VPS13C: variants seen among roughly 807,000 people sequenced by gnomAD.
VPS13C encodes the protein intermembrane lipid transfer protein VPS13C.
Under a neutral mutation model 456.8 loss-of-function variants are expected in VPS13C, and 358 were observed. That is an observed-to-expected ratio of 0.78 (90% CI 0.72 to 0.86). The LOEUF (loss-of-function observed/expected upper bound fraction) is 0.86, where lower values mean the gene tolerates loss of function less well. Among genes scored for constraint, VPS13C ranks in the 40% least tolerant of loss-of-function variants. The pLI is 0.00. For synonymous variants in VPS13C, 1,578 were observed against 1,486.7 expected, an observed-to-expected ratio of 1.06 and a Z score of -1.41; for missense variants, 4,818 against 4,385.4, an observed-to-expected ratio of 1.10 and a Z score of -2.79.
chr15:61,993,675 T>C (rs1006885023), intron 16 of VPS13C, among the ~76,000 whole-genome samples: 3 of 152,082 alleles, frequency 2.0e-5, no homozygotes, highest in Non-Finnish European at 4.4e-5. Context: ...AAAATACTAA[T>C]TTCAAACATA....
At position 61,874,312 on chromosome 15, in the gene VPS13C, A is replaced by G. The variant is rs570198258; in HGVS notation, c.10414+564T>C. 6.6e-5 allele frequency among the ~76,000 whole-genome samples: 10 copies of G among 152,154 alleles called. No individual in the cohort carries two copies. In the South Asian group the frequency reaches 2.1e-3, roughly 32 times the overall value. On this transcript the variant is annotated intron_variant, in intron 77 of 84. Coordinates refer to ENST00000644861, the MANE Select transcript of VPS13C (RefSeq NM_020821.3). ...AACAACAACTTATTGTATGTCTTCA[A>G]ATAGCTAGAAGAGAGGGTCTTGAAT...
chr15:61,919,305 A>T lies in VPS13C; in HGVS notation c.7622T>A (p.Leu2541His). 1 of 1,598,458 alleles carries T rather than the reference A, an allele frequency of 6.3e-7. No individual in the cohort carries two copies. Among genetic ancestry groups the T allele is most frequent in the Non-Finnish European group, 8.5e-7 (1 of 1,173,510 alleles). The change falls in exon 58 of 85, where the codon CTT (leucine) becomes CAT (histidine). Residue 2541 changes from leucine (L) to histidine (H), a missense_variant. Physicochemically the swap from Leu to His is moderately conservative, Grantham distance 99. Transcript: ENST00000644861. ...DATEGNKVIT[L>H]RSPLQIKNHF... is the part of the protein sequence containing the mutation. ...AAGTATTACCTGTAGAGGAGAGCGA[A>T]GGGTAATTACTTTATTCCCTTCAGT...
At chr15:62,036,367 A>G (rs1275850491) in intron 3 of VPS13C, among the ~76,000 whole-genome samples, 1 of 152,172 alleles carries the variant, frequency 6.6e-6, no homozygotes, top group South Asian at 2.1e-4. Flanking sequence ...AAATAATGCA[A>G]TGTAAGACAG....
chr15:62,008,280 C>T (rs538092053), intron 14 of VPS13C, among the ~76,000 whole-genome samples: 1 of 151,460 alleles, frequency 6.6e-6, no homozygotes, highest in Admixed American at 6.6e-5. Flanking sequence ...ACACCCCGTA[C>T]CCCCAGCTAC....
chr15:61,891,587 G>A (rs776196909), intron 66 of VPS13C, among the ~76,000 whole-genome samples: 9 of 152,100 alleles, frequency 5.9e-5, no homozygotes, highest in Non-Finnish European at 1.0e-4. Context: ...TATTTCATGT[G>A]AAGTACAATA....
In VPS13C at chr15:62,060,418, G is replaced by C. The variant is rs1410094246; in HGVS notation, c.-44C>G. Reference sequence around the variant, plus strand: ...GGAGAGGGAGGAGCCGGAACCGCCCGGCGCAGCTGAGGGCTGCGACCAGCG... The same window carrying C: ...GGAGAGGGAGGAGCCGGAACCGCCCCGCGCAGCTGAGGGCTGCGACCAGCG... On this transcript the variant is annotated 5_prime_UTR_variant, in exon 1 of 85. Coordinates refer to ENST00000644861, the MANE Select transcript of VPS13C (RefSeq NM_020821.3). The C allele has an allele frequency of 9.4e-7, 1 of 1,065,226 alleles. No homozygotes were observed. The highest frequency in any genetic ancestry group is 1.4e-6 in the Non-Finnish European group (1 of 715,696). The allele number at this position is 1,065,226 out of a possible 1,614,324, so 66.0% of individuals were successfully genotyped here.
chr15:61,931,690 C>T (rs533301135), intron 49 of VPS13C, among the ~76,000 whole-genome samples: 4 of 151,770 alleles, frequency 2.6e-5, no homozygotes, highest in Non-Finnish European at 5.9e-5. Flanking sequence ...CAATTCTCCG[C>T]CTCAGCCTCC....
At chr15:61,993,868 G>A (rs1430955579) in intron 16 of VPS13C, among the ~76,000 whole-genome samples, 1 of 152,054 alleles carries the variant, frequency 6.6e-6, no homozygotes, top group Admixed American at 6.6e-5. Flanking sequence ...ATATTATGTA[G>A]ATGTAAGCAC....
At chr15:61,889,371 T>C (rs139684644) in intron 67 of VPS13C, among the ~76,000 whole-genome samples, 1 of 152,194 alleles carries the variant, frequency 6.6e-6, no homozygotes, top group Non-Finnish European at 1.5e-5. Flanking sequence ...TTTATAACCA[T>C]TAGTTTCTCA....
intron 16 of VPS13C, among the ~76,000 whole-genome samples, chr15:61,999,474 A>G (rs1464899215): frequency 6.6e-6 from 1 of 152,146 alleles, no homozygotes; most frequent in Non-Finnish European, 1.5e-5. Context: ...AGTTTGTTCA[A>G]GGGTCAACTG....
intron 24 of VPS13C, among the ~76,000 whole-genome samples, chr15:61,976,338 T>C (rs1940073961): frequency 6.6e-6 from 1 of 151,990 alleles, no homozygotes; most frequent in African/African-American, 2.4e-5. Flanking sequence ...ACATACAACA[T>C]GAATGAATCT....
intron 11 of VPS13C, among the ~76,000 whole-genome samples, chr15:62,012,395 G>A (rs2047076792): frequency 6.6e-6 from 1 of 151,850 alleles, no homozygotes; most frequent in Non-Finnish European, 1.5e-5. Context: ...AAACAACCTT[G>A]TAGTATGTCC....
At chr15:61,862,866 A>T (rs909636885) in intron 82 of VPS13C, among the ~76,000 whole-genome samples, 22 of 152,154 alleles carry the variant, frequency 1.4e-4, no homozygotes, top group African/African-American at 5.3e-4. Context: ...CTCAACACTA[A>T]GAAAGTTCTG....
chr15:61,944,441 T>C (rs904486976), intron 45 of VPS13C, among the ~76,000 whole-genome samples: 1 of 152,052 alleles, frequency 6.6e-6, no homozygotes, highest in Non-Finnish European at 1.5e-5. Context: ...CACCATGAAA[T>C]GCTACACAGT....
chr15:61,942,670 A>G (rs2044470053), intron 45 of VPS13C, among the ~76,000 whole-genome samples: 1 of 152,028 alleles, frequency 6.6e-6, no homozygotes, highest in African/African-American at 2.4e-5. Flanking sequence ...TCAACTAAAA[A>G]CAGAAAAATC....
chr15:61,957,520 T>C (rs2045045608), intron 37 of VPS13C, among the ~76,000 whole-genome samples: 1 of 152,096 alleles, frequency 6.6e-6, no homozygotes, highest in Non-Finnish European at 1.5e-5. Flanking sequence ...ACTTAGCACA[T>C]GGTCCAAAAT....
At position 61,991,239 on chromosome 15, in the gene VPS13C, A is replaced by T. The variant is rs532277134; in HGVS notation, c.1484-145T>A. 47 of 623,416 alleles carry T rather than the reference A, an allele frequency of 7.5e-5. No individual in the cohort carries two copies. The South Asian group carries it at 9.7e-4, about 13-fold the overall frequency. 38.6% of individuals were successfully genotyped at this position (623,416 alleles called of 1,614,324 possible). A position where few individuals can be genotyped will look rare whatever the true frequency, so the allele number is the denominator to read the frequency against. On this transcript the variant is annotated intron_variant, in intron 17 of 84. Coordinates refer to ENST00000644861, the MANE Select transcript of VPS13C (RefSeq NM_020821.3). ...GCCAGGTAATATCCTCTAATATACT[A>T]CAACTTTGACCAAACATATTCTATT... is the stretch of plus-strand genomic sequence containing the variant.
chr15:62,043,385 C>A (rs769534515), intron 2 of VPS13C, among the ~76,000 whole-genome samples: 4 of 152,186 alleles, frequency 2.6e-5, no homozygotes, highest in Non-Finnish European at 4.4e-5. Context: ...GCAGGCAGAC[C>A]ACCTGAGGTC....
Position 61,863,319 on chromosome 15 carries a change from G to A in VPS13C, c.10952+121C>T, listed in dbSNP as rs913533967. 9 of 651,790 alleles carry A rather than the reference G, an allele frequency of 1.4e-5. No individual in the cohort carries two copies. The African/African-American group carries it at 1.5e-4, about 11-fold the overall frequency. 40.4% of individuals were successfully genotyped at this position (651,790 alleles called of 1,614,324 possible). On this transcript the variant is annotated intron_variant, in intron 82 of 84. Transcript: ENST00000644861. The stretch of plus-strand genomic sequence containing the variant: ...GTGATTCTATGAAAATGAACATTTT[G>A]CCATTCACTTTGGAGAATTTTAAGT...
Sources: gnomAD v4.1 joint callset for allele counts (sites outside exome capture counted in the v4.1 genomes callset) on GRCh38, gnomAD v4.1.1 for gene constraint, MANE v1.5 for transcripts, NCBI Gene and HGNC (gene_info 2026-07-23, HGNC 2026-07-21) for gene names.